The following KRT12 variants were observed in gnomAD, a reference collection of about 807,000 sequenced individuals.
KRT12 encodes keratin 12, also known as keratin, type I cytoskeletal 12.
In KRT12, 43 loss-of-function variants were observed where a neutral mutation model predicts 50.2. That is an observed-to-expected ratio of 0.86 (90% CI 0.67 to 1.11). The LOEUF (loss-of-function observed/expected upper bound fraction) is 1.11, where lower values mean the gene tolerates loss of function less well. Among genes scored for constraint, KRT12 ranks in the 50% least tolerant of loss-of-function variants. The pLI, the probability that KRT12 is intolerant of heterozygous loss-of-function variation, is 0.00. For synonymous variants in KRT12, 257 were observed against 253.6 expected (o/e 1.01, Z -0.13); for missense variants, 588 against 625.6 (o/e 0.94, Z 0.64).
In KRT12 at chr17:40,863,662, C is replaced by A. The variant is rs773842232; in HGVS notation, c.969+41G>T. ...CTCGAGCGCTGAGCTCGTTCGCAGGCCTTTCTGTGAATGTATCAAAGCCTT... is the reference window on the plus strand; with the variant it reads ...CTCGAGCGCTGAGCTCGTTCGCAGGACTTTCTGTGAATGTATCAAAGCCTT... On this transcript the variant is annotated intron_variant, in intron 4 of 7. Coordinates refer to ENST00000251643, the MANE Select transcript of KRT12 (RefSeq NM_000223.4). This position sits in a 1 kb window ranked among gnomAD's most constrained non-coding sequence, Gnocchi z 4.2. 6.2e-7 allele frequency: 1 copy of A among 1,614,214 alleles called. No individual in the cohort carries two copies.
Position 40,863,321 on chromosome 17 carries a change from A to G in KRT12, c.1118T>C (p.Leu373Ser). The change falls in exon 6 of 8, where the codon TTG (leucine) becomes TCG (serine). Residue 373 changes from leucine to serine, a missense_variant. By Grantham distance (145) the Leu-to-Ser change is moderately radical. Coordinates refer to ENST00000251643, the MANE Select transcript of KRT12 (RefSeq NM_000223.4). This position sits in a 1 kb window ranked among gnomAD's most constrained non-coding sequence, Gnocchi z 4.2. ...LAMKKSLEDS[L>S]AEAEGDYCAQ... Reference sequence around the variant, plus strand: ...GCAGTAATCGCCCTCGGCTTCGGCCAAGGAGTCCTCCAGGGATTTCTTCTG... The same window carrying G: ...GCAGTAATCGCCCTCGGCTTCGGCCGAGGAGTCCTCCAGGGATTTCTTCTG... 3.7e-6 allele frequency: 6 copies of G among 1,613,944 alleles called. No individual in the cohort carries two copies. The highest frequency in any genetic ancestry group is 5.1e-6 in the Non-Finnish European group (6 of 1,179,962).
At position 40,864,906 on chromosome 17, in the gene KRT12, C is replaced by T. The variant is rs749241752; in HGVS notation, c.707G>A (p.Arg236His). Residue 236 changes from arginine (R) to histidine (H), a missense_variant, in exon 3 of 8, where the codon CGC (arginine) becomes CAC (histidine). Coordinates refer to ENST00000251643, the MANE Select transcript of KRT12 (RefSeq NM_000223.4). Reference sequence around the variant, plus strand: ...CAGGGTCAGCTCGTCCAGCACCCGGCGCAGGCCATTGATGTCGGCCTCTAC... The same window carrying T: ...CAGGGTCAGCTCGTCCAGCACCCGGTGCAGGCCATTGATGTCGGCCTCTAC... Reference protein sequence around the residue: ...QGVEADINGLRRVLDELTLTR... With the variant: ...QGVEADINGLHRVLDELTLTR... 2.5e-6 allele frequency: 4 copies of T among 1,614,220 alleles called. No individual in the cohort carries two copies. The highest frequency in any genetic ancestry group is 2.2e-5 in the South Asian group (2 of 91,090).
At chr17:40,865,193 C>T (rs1906973739) in intron 2 of KRT12, among the ~76,000 whole-genome samples, 1 of 152,222 alleles carries the variant, frequency 6.6e-6, no homozygotes, top group Non-Finnish European at 1.5e-5. Context: ...GCAATACTTT[C>T]CTACCAGCGA....
chr17:40,866,379 A>G lies in KRT12; in HGVS notation c.568-142T>C, dbSNP rs115203840. On this transcript the variant is annotated intron_variant, in intron 1 of 7. Transcript: ENST00000251643. Reference sequence around the variant, plus strand: ...TAAGACAGTTTCATTTTTCTAAGACAATATCTGTATAAAATAATATTGAGA... The same window carrying G: ...TAAGACAGTTTCATTTTTCTAAGACGATATCTGTATAAAATAATATTGAGA... 1,441 of 766,274 alleles carry G rather than the reference A, an allele frequency of 1.9e-3. 23 individuals are homozygous for G. The African/African-American group carries it at 0.023, about 12-fold the overall frequency. The allele number at this position is 766,274 out of a possible 1,614,324, so 47.5% of individuals were successfully genotyped here. A position where few individuals can be genotyped will look rare whatever the true frequency, so the allele number is the denominator to read the frequency against.
chr17:40,862,886 A>G (rs982730171), intron 6 of KRT12, among the ~76,000 whole-genome samples: 2 of 152,244 alleles, frequency 1.3e-5, no homozygotes, highest in African/African-American at 2.4e-5. Flanking sequence ...ACTCATTTAC[A>G]AACTGTTTCT....
At position 40,864,872 on chromosome 17, in the gene KRT12, G is replaced by A. The variant is rs61735166; in HGVS notation, c.741C>T (p.Thr247=). The A allele has an allele frequency of 2.8e-4, 451 of 1,614,150 alleles. No homozygotes were observed. The African/African-American group carries it at 5.2e-3, about 19-fold the overall frequency. The change falls in exon 3 of 8, where the codon ACC becomes ACT. Residue 247 remains threonine (T), a synonymous_variant. Transcript: ENST00000251643. ...GGCTCTCGATCTGCATCTCCAGGTC[G>A]GTCCTGGTCAGGGTCAGCTCGTCCA... ...RVLDELTLTR[T]DLEMQIESLN...
intron 6 of KRT12, among the ~76,000 whole-genome samples, 194 bp from the exon 7 acceptor site, chr17:40,862,829 T>A (rs1161002329): frequency 6.6e-6 from 1 of 152,200 alleles, no homozygotes; most frequent in Admixed American, 6.5e-5. Flanking sequence ...TATCATCAGG[T>A]CTTTGATATC....
At position 40,862,570 on chromosome 17, in the gene KRT12, G is replaced by C; in HGVS notation, c.1382C>G (p.Ser461Cys). The change falls in exon 7 of 8, where the codon TCT becomes TGT. Residue 461 changes from serine to cysteine, a missense_variant. Coordinates refer to ENST00000251643, the MANE Select transcript of KRT12 (RefSeq NM_000223.4). The part of the protein sequence containing the change: ...SKSQAQSTDS[S>C]KDPTKTRKIK... ...ATTCTAGGGTTTCTGCATACCTTTA[G>C]AGGAATCAGTTGACTGTGCTTGTGA... 1 of 1,609,774 alleles carries C rather than the reference G, an allele frequency of 6.2e-7. No homozygotes were observed. Among genetic ancestry groups the C allele is most frequent in the Non-Finnish European group, 8.5e-7 (1 of 1,176,136 alleles).
intron 3 of KRT12, among the ~76,000 whole-genome samples, chr17:40,864,255 G>A (rs1906925301): frequency 6.6e-6 from 1 of 151,954 alleles, no homozygotes; most frequent in Non-Finnish European, 1.5e-5. Context: ...ACCTACAGCT[G>A]CCAAACCGAG....
rs751581527 is a variant in KRT12, at chr17:40,863,091, GA to G, written c.1316+31del. 55 of 1,588,318 alleles carry G rather than the reference GA, an allele frequency of 3.5e-5. No homozygotes were observed. Among genetic ancestry groups the G allele is most frequent in the Non-Finnish European group, 4.6e-5 (53 of 1,156,696 alleles). The stretch of plus-strand genomic sequence containing the variant: ...TGCTGCCCACTCTTGGTCAGCCCCT[GA>G]AGGTGTTTACAGCCTCCGTTGTCTG... On this transcript the variant is annotated intron_variant, in intron 6 of 7. Transcript: ENST00000251643. This position sits in a 1 kb window ranked among gnomAD's most constrained non-coding sequence, Gnocchi z 4.2.
At position 40,863,990 on chromosome 17, in the gene KRT12, A is replaced by ACACACACACG; in HGVS notation, c.808-127_808-126insCGTGTGTGTG. 1 of 647,392 alleles carries ACACACACACG rather than the reference A, an allele frequency of 1.5e-6. No individual in the cohort carries two copies. Among genetic ancestry groups the ACACACACACG allele is most frequent in the Non-Finnish European group, 2.6e-6 (1 of 386,192 alleles). The allele number at this position is 647,392 out of a possible 1,614,324, so 40.1% of individuals were successfully genotyped here. A position where few individuals can be genotyped will look rare whatever the true frequency, so the allele number is the denominator to read the frequency against. On this transcript the variant is annotated intron_variant, in intron 3 of 7. Coordinates refer to ENST00000251643, the MANE Select transcript of KRT12 (RefSeq NM_000223.4). This position sits in a 1 kb window ranked among gnomAD's most constrained non-coding sequence, Gnocchi z 4.2. The stretch of plus-strand genomic sequence containing the variant: ...CACACACACACACACACACACACAC[A>ACACACACACG]CTTAAAAATTCTATCTTATGACTGT...
chr17:40,864,513 G>A (rs767840661), intron 3 of KRT12, among the ~76,000 whole-genome samples: 40 of 151,958 alleles, frequency 2.6e-4, no homozygotes, highest in Non-Finnish European at 5.3e-4. Flanking sequence ...ACTGAATTAG[G>A]ACTGTTAGCA....
chr17:40,864,496 T>A (rs762051337), intron 3 of KRT12, among the ~76,000 whole-genome samples: 1 of 152,186 alleles, frequency 6.6e-6, no homozygotes, highest in Non-Finnish European at 1.5e-5. Context: ...TCAGTCTTTT[T>A]AAAATCACTG....
intron 7 of KRT12, among the ~76,000 whole-genome samples, chr17:40,862,049 AT>A (rs200065773): frequency 3.3e-5 from 5 of 151,616 alleles, no homozygotes; most frequent in Admixed American, 1.3e-4. Flanking sequence ...CTGCTTTGCC[AT>A]TTTTTTTATT....
rs765618473 is a variant in KRT12, at chr17:40,867,149, C to T, written c.38G>A (p.Arg13His). 1.4e-5 allele frequency: 23 copies of T among 1,609,918 alleles called. No individual in the cohort carries two copies. The highest frequency in any genetic ancestry group is 4.4e-5 in the South Asian group (4 of 91,084). Residue 13 changes from arginine (R) to histidine (H), a missense_variant, in exon 1 of 8, where the codon CGC becomes CAC. Coordinates refer to ENST00000251643, the MANE Select transcript of KRT12 (RefSeq NM_000223.4). Reference protein sequence around the residue: ...LSNNTMSLSVRTPGLSRRLSS... With the variant: ...LSNNTMSLSVHTPGLSRRLSS... The stretch of plus-strand genomic sequence containing the variant: ...GAGCCGCCGGGACAGTCCGGGGGTG[C>T]GCACTGAGAGTGACATGGTGTTGTT...
chr17:40,864,482 A>G (rs1264172271), intron 3 of KRT12, among the ~76,000 whole-genome samples: 2 of 152,198 alleles, frequency 1.3e-5, no homozygotes, highest in Admixed American at 6.5e-5. Context: ...AACTTTTAAA[A>G]TACTCAGTCT....
chr17:40,863,738 T>G lies in KRT12; in HGVS notation c.934A>C (p.Asn312His). Residue 312 changes from asparagine to histidine, a missense_variant, in exon 4 of 8, where the codon AAT becomes CAT. Transcript: ENST00000251643. The surrounding 1 kb of genome is among the most constrained non-coding windows in gnomAD (Gnocchi z 4.2). ...RAQYETIAEQNRKDAEAWFIE... is the reference protein window; with the variant it reads ...RAQYETIAEQHRKDAEAWFIE... ...AACCAGGCTTCAGCGTCCTTCCGAT[T>G]CTGCTCAGCGATGGTTTCATACTGC... is the stretch of plus-strand genomic sequence containing the variant. The G allele has an allele frequency of 6.2e-7, 1 of 1,613,762 alleles. No individual in the cohort carries two copies.
At chr17:40,862,845 TTGAG>T (rs1416579087) in intron 6 of KRT12, among the ~76,000 whole-genome samples, 6 of 152,318 alleles carry the variant, frequency 3.9e-5, no homozygotes, top group Admixed American at 6.5e-5. Context: ...ATATCAGAAA[TTGAG>T]TAAGTGACTT....
At chr17:40,865,407 A>G (rs1906979608) in intron 2 of KRT12, among the ~76,000 whole-genome samples, 1 of 152,250 alleles carries the variant, frequency 6.6e-6, no homozygotes, top group African/African-American at 2.4e-5. Context: ...CAGGTTCAGA[A>G]CCATGGCCAT....
Sources: gnomAD v4.1 joint callset for allele counts (sites outside exome capture counted in the v4.1 genomes callset) on GRCh38, gnomAD v4.1.1 for gene constraint, Gnocchi (gnomAD v3.1) non-coding constraint, MANE v1.5 for transcripts, NCBI Gene and HGNC (gene_info 2026-07-23, HGNC 2026-07-21) for gene names.